The following ACBD5 variants were observed in gnomAD, a reference collection of about 807,000 sequenced individuals.
ACBD5 encodes the protein acyl-CoA-binding domain-containing protein 5.
In ACBD5, 40 loss-of-function variants were observed where a neutral mutation model predicts 71.8. The observed-to-expected ratio is 0.56, with a 90% CI of 0.43 to 0.72. The LOEUF (loss-of-function observed/expected upper bound fraction) is 0.72, where lower values mean the gene tolerates loss of function less well. ACBD5 is among the 30% of genes least tolerant of loss of function. The pLI is 0.00. For synonymous variants in ACBD5, 229 were observed against 218.6 expected (o/e 1.05, Z -0.42); for missense variants, 559 against 644.5 (o/e 0.87, Z 1.44).
At position 27,204,475 on chromosome 10, in the gene ACBD5, C is replaced by T; in HGVS notation, c.1530G>A (p.Gln510=). 6.2e-7 allele frequency: 1 copy of T among 1,614,070 alleles called. No individual in the cohort carries two copies. Among genetic ancestry groups the T allele is most frequent in the Non-Finnish European group, 8.5e-7 (1 of 1,179,960 alleles). ...TFAIIWPFIA[Q]WLVYLYYQRR... ...TTTGATAGTATAAATACACCAACCA[C>T]TGTGCAATAAAAGGCCATATGATGG... The change falls in exon 12 of 13, where the codon CAG becomes CAA. Residue 510 remains glutamine, a synonymous_variant. Coordinates refer to ENST00000396271, the MANE Select transcript of ACBD5 (RefSeq NM_145698.5).
downstream of ACBD5, among the ~76,000 whole-genome samples, chr10:27,191,159 A>G (rs1019856593): frequency 6.6e-6 from 1 of 152,222 alleles, no homozygotes; most frequent in African/African-American, 2.4e-5. Flanking sequence ...GAAAAGACAC[A>G]GATGAATCTT....
chr10:27,226,396 A>G (rs1221523747), intron 4 of ACBD5, among the ~76,000 whole-genome samples: 1 of 151,504 alleles, frequency 6.6e-6, no homozygotes, highest in African/African-American at 2.4e-5. Context: ...TCTCCCTGAC[A>G]CCAATATTGA....
intron 4 of ACBD5, among the ~76,000 whole-genome samples, chr10:27,228,815 A>ATATATATATATATATATATAT (rs1554856598): frequency 4.9e-5 from 1 of 20,368 alleles, no homozygotes; most frequent in South Asian, 2.0e-3. Flanking sequence ...ATATATATAT[A>ATATATATATATATATATATAT]TTTTTTTTTT....
chr10:27,232,118 AAC>A, intron 3 of ACBD5: 1 of 381,172 alleles, frequency 2.6e-6, no homozygotes, highest in Non-Finnish European at 4.8e-6. Flanking sequence ...TATTACAAAG[AAC>A]AGTAACAGAA....
chr10:27,188,100 A>G (rs1204895522), intron 13 of ACBD5, among the ~76,000 whole-genome samples: 1 of 152,204 alleles, frequency 6.6e-6, no homozygotes, highest in Non-Finnish European at 1.5e-5. Flanking sequence ...AGTTGACAAA[A>G]TGTACAAATT....
chr10:27,190,548 A>G (rs1385907465), downstream of ACBD5, among the ~76,000 whole-genome samples: 3 of 152,250 alleles, frequency 2.0e-5, no homozygotes, highest in African/African-American at 7.2e-5. Context: ...GCTCCAAAAC[A>G]TCTTGAAGGA....
At chr10:27,211,422 G>A (rs560519066) in intron 8 of ACBD5, among the ~76,000 whole-genome samples, 2 of 152,268 alleles carry the variant, frequency 1.3e-5, no homozygotes, top group East Asian at 1.9e-4. Context: ...CCGGGTTCAA[G>A]CAATTCTCCT....
chr10:27,186,790 T>TAA (rs2058784829), intron 13 of ACBD5: 2 of 462,994 alleles, frequency 4.3e-6, no homozygotes, highest in African/African-American at 3.9e-5. Context: ...TTGCACTTTA[T>TAA]GAAAACTGAA....
rs551766710 is a variant in ACBD5, at chr10:27,227,355, G to A, written c.376-3903C>T. 8.7e-4 allele frequency among the ~76,000 whole-genome samples: 132 copies of A among 151,782 alleles called. No homozygotes were observed. In the Middle Eastern group the frequency reaches 0.031, roughly 35 times the overall value. ...GGTGTAGATATACTCTTAAGAAAGC[G>A]AAGACTAAATTCCTCAGGCTTTTTT... On this transcript the variant is annotated intron_variant, in intron 4 of 12. Transcript: ENST00000396271.
At position 27,196,283 on chromosome 10, in the gene ACBD5, G is replaced by A. The variant is rs2059379601; in HGVS notation, c.*1147C>T. 2.2e-6 allele frequency: 1 copy of A among 453,972 alleles called. No homozygotes were observed. The highest frequency in any genetic ancestry group is 4.4e-6 in the Non-Finnish European group (1 of 226,796). 28.1% of individuals were successfully genotyped at this position (453,972 alleles called of 1,614,324 possible). A position where few individuals can be genotyped will look rare whatever the true frequency, so the allele number is the denominator to read the frequency against. ...ACATCTAAGTGAGCAGGAAGTTTTG[G>A]AAGGCATACAGGAAAAGTCTCCAAG... On this transcript the variant is annotated 3_prime_UTR_variant, in exon 13 of 13. Transcript: ENST00000396271.
chr10:27,210,454 G>A (rs967046613), intron 9 of ACBD5, among the ~76,000 whole-genome samples: 4 of 152,116 alleles, frequency 2.6e-5, no homozygotes, highest in African/African-American at 9.6e-5. Context: ...CATCTCTACA[G>A]AAAAACTTTT....
At chr10:27,223,559 A>C (rs1295856661) in intron 4 of ACBD5, 107 bp from the exon 5 acceptor site, 1 of 842,976 alleles carries the variant, frequency 1.2e-6, no homozygotes, top group African/African-American at 1.7e-5. Context: ...TTAATATTTG[A>C]CATTCATAAT....
At chr10:27,222,826 C>T (rs185452131) in intron 5 of ACBD5, among the ~76,000 whole-genome samples, 1 of 152,214 alleles carries the variant, frequency 6.6e-6, no homozygotes, top group Admixed American at 6.5e-5. Context: ...CCCGCTTTCG[C>T]TTCCCAAAGT....
intron 12 of ACBD5, among the ~76,000 whole-genome samples, chr10:27,201,078 G>A (rs1402955175): frequency 6.6e-6 from 1 of 152,082 alleles, no homozygotes; most frequent in East Asian, 1.9e-4. Context: ...CAGCAGGATT[G>A]CTTGAGCCCA....
chr10:27,225,843 A>G lies in ACBD5; in HGVS notation c.376-2391T>C, dbSNP rs543997867. On this transcript the variant is annotated intron_variant, in intron 4 of 12. Coordinates refer to ENST00000396271, the MANE Select transcript of ACBD5 (RefSeq NM_145698.5). ...TCAGTTAGCAGAATCTAGTAAGCCA[A>G]TTGCATACCACATCCTGACCACCAA... 7.9e-5 allele frequency among the ~76,000 whole-genome samples: 12 copies of G among 151,988 alleles called. No homozygotes were observed. In the East Asian group the frequency reaches 2.1e-3, roughly 27 times the overall value.
chr10:27,196,913 C>A lies in ACBD5; in HGVS notation c.*517G>T. 1 of 454,084 alleles carries A rather than the reference C, an allele frequency of 2.2e-6. No homozygotes were observed. The highest frequency in any genetic ancestry group is 1.6e-5 in the South Asian group (1 of 64,470). 28.1% of individuals were successfully genotyped at this position (454,084 alleles called of 1,614,324 possible). A position where few individuals can be genotyped will look rare whatever the true frequency, so the allele number is the denominator to read the frequency against. ...GGGCAGCCCACAAAGTGAATATGACCATTCTTCCTGTGGTTTTCTACTACA... is the reference window on the plus strand; with the variant it reads ...GGGCAGCCCACAAAGTGAATATGACAATTCTTCCTGTGGTTTTCTACTACA... On this transcript the variant is annotated 3_prime_UTR_variant, in exon 13 of 13. Transcript: ENST00000396271.
At chr10:27,227,221 C>A (rs2063197134) in intron 4 of ACBD5, among the ~76,000 whole-genome samples, 1 of 151,934 alleles carries the variant, frequency 6.6e-6, no homozygotes. Context: ...TGGTAAGCTG[C>A]ATGGACACCA....
At chr10:27,211,555 A>G (rs987528048) in intron 8 of ACBD5, among the ~76,000 whole-genome samples, 1 of 152,060 alleles carries the variant, frequency 6.6e-6, no homozygotes, top group Non-Finnish European at 1.5e-5. Flanking sequence ...TCCTGGCCTC[A>G]TGATCCGCCC....
intron 4 of ACBD5, among the ~76,000 whole-genome samples, chr10:27,224,665 A>G (rs1160021843): frequency 1.3e-5 from 2 of 152,238 alleles, no homozygotes; most frequent in Admixed American, 6.5e-5. Flanking sequence ...AAGTATTTCT[A>G]GATTTGAAAT....
Sources: gnomAD v4.1 joint callset for allele counts (sites outside exome capture counted in the v4.1 genomes callset) on GRCh38, gnomAD v4.1.1 for gene constraint, MANE v1.5 for transcripts, NCBI Gene and HGNC (gene_info 2026-07-23, HGNC 2026-07-21) for gene names.